The following NFASC variants were observed in gnomAD, a reference collection of about 807,000 sequenced individuals.
The protein encoded by NFASC is neurofascin.
NFASC carries 43 observed loss-of-function variants against 147.5 expected under a neutral mutation model. The observed-to-expected ratio is 0.29, with a 90% CI of 0.23 to 0.38. The LOEUF (loss-of-function observed/expected upper bound fraction) is 0.38, where lower values mean the gene tolerates loss of function less well. Ranked by LOEUF, NFASC falls within the 10% of genes least tolerant of loss-of-function variation. The pLI is 1.00. For synonymous variants in NFASC, 622 were observed against 665.5 expected, an observed-to-expected ratio of 0.93 and a Z score of 1.01; for missense variants, 1,320 against 1,689.0, an observed-to-expected ratio of 0.78 and a Z score of 3.83.
intron 1 of NFASC, among the ~76,000 whole-genome samples, chr1:204,895,029 T>C (rs2083128484): frequency 6.6e-6 from 1 of 152,206 alleles, no homozygotes; most frequent in African/African-American, 2.4e-5. Flanking sequence ...TTTGAATCTT[T>C]TTACTGCTGG....
chr1:204,871,767 A>G (rs2077747884), intron 1 of NFASC, among the ~76,000 whole-genome samples: 1 of 152,214 alleles, frequency 6.6e-6, no homozygotes, highest in Non-Finnish European at 1.5e-5. Context: ...CTAAACCAAA[A>G]CAAGAGTGAA....
intron 2 of NFASC, among the ~76,000 whole-genome samples, chr1:204,943,266 A>AT (rs1348245953): frequency 6.6e-6 from 1 of 152,182 alleles, no homozygotes; most frequent in African/African-American, 2.4e-5. Flanking sequence ...AAAGCACTCT[A>AT]TTTGAGTCTC....
chr1:204,877,003 T>C lies in NFASC; in HGVS notation c.-199-43629T>C, dbSNP rs1265941101. Among the ~76,000 whole-genome samples, 22 of 87,940 alleles carry C rather than the reference T, an allele frequency of 2.5e-4. 2 individuals carry two copies. Among genetic ancestry groups the C allele is most frequent in the Non-Finnish European group, 1.8e-5 (1 of 54,690 alleles). 57.7% of individuals were successfully genotyped at this position (87,940 alleles called of 152,430 possible). A position where few individuals can be genotyped will look rare whatever the true frequency, so the allele number is the denominator to read the frequency against. On this transcript the variant is annotated intron_variant, in intron 1 of 29. Transcript: ENST00000339876. Reference sequence around the variant, plus strand: ...AATGAGTTGGCTAAATATGTATATATATATATATATATATATATATATATA... The same window carrying C: ...AATGAGTTGGCTAAATATGTATATACATATATATATATATATATATATATA...
At chr1:204,864,404 A>G (rs1037599766) in intron 1 of NFASC, among the ~76,000 whole-genome samples, 4 of 152,212 alleles carry the variant, frequency 2.6e-5, no homozygotes, top group African/African-American at 4.8e-5. Context: ...AGGGTCGTAT[A>G]TTAACTCTTA....
intron 1 of NFASC, among the ~76,000 whole-genome samples, chr1:204,912,192 G>T (rs1246990629): frequency 2.6e-5 from 4 of 151,360 alleles, no homozygotes; most frequent in Non-Finnish European, 4.4e-5. Context: ...TGGGAGGCTG[G>T]CTCTTCTTTT....
intron 1 of NFASC, among the ~76,000 whole-genome samples, chr1:204,829,370 G>A (rs1671549031): frequency 4.0e-5 from 6 of 151,266 alleles, no homozygotes; most frequent in Admixed American, 3.9e-4. Context: ...CAAGAACCCC[G>A]CCTTCTCCCC....
At chr1:204,921,253 TC>T (rs1175951367) in intron 2 of NFASC, among the ~76,000 whole-genome samples, 1 of 152,068 alleles carries the variant, frequency 6.6e-6, no homozygotes, top group African/African-American at 2.4e-5. Context: ...CTTGTTCCAT[TC>T]CGGGTTAGAT....
In NFASC at chr1:204,904,525, G is replaced by A. The variant is rs1164364574; in HGVS notation, c.-199-16107G>A. Among the ~76,000 whole-genome samples, 3 of 152,208 alleles carry A rather than the reference G, an allele frequency of 2.0e-5. No individual in the cohort carries two copies. In the East Asian group the frequency reaches 5.8e-4, roughly 29 times the overall value. Reference sequence around the variant, plus strand: ...TTCTTAACTTTCCCTCACTGTTGTTGCCTTTTTTGACAAGCATGGCTGTGA... The same window carrying A: ...TTCTTAACTTTCCCTCACTGTTGTTACCTTTTTTGACAAGCATGGCTGTGA... On this transcript the variant is annotated intron_variant, in intron 1 of 29. Coordinates refer to ENST00000339876, the MANE Select transcript of NFASC (RefSeq NM_001005388.3).
intron 1 of NFASC, among the ~76,000 whole-genome samples, chr1:204,840,612 CCACAACTACCACTTG>C (rs1392588277): frequency 6.6e-6 from 1 of 152,166 alleles, no homozygotes; most frequent in African/African-American, 2.4e-5. Context: ...TCACTTGGTG[CCACAACTACCACTTG>C]CACAACTACC....
intron 2 of NFASC, among the ~76,000 whole-genome samples, chr1:204,939,638 G>A (rs866587558): frequency 6.6e-6 from 1 of 152,258 alleles, no homozygotes; most frequent in Non-Finnish European, 1.5e-5. Context: ...CTGCACCTAA[G>A]CAGTCACCTC....
At position 204,985,760 on chromosome 1, in the gene NFASC, G is replaced by A. The variant is rs1000949696; in HGVS notation, c.2471-1658G>A. The A allele has an allele frequency of 3.2e-4, 193 of 603,846 alleles. 1 individual carries two copies. The African/African-American group carries it at 3.4e-3, about 11-fold the overall frequency. The allele number at this position is 603,846 out of a possible 1,614,324, so 37.4% of individuals were successfully genotyped here. A position where few individuals can be genotyped will look rare whatever the true frequency, so the allele number is the denominator to read the frequency against. The stretch of plus-strand genomic sequence containing the variant: ...GTGGCTAATGAGCGGGGATTAAAAG[G>A]CTGCTTCCTCAGCCTGGATAGGACT... On this transcript the variant is annotated intron_variant, in intron 21 of 29. Transcript: ENST00000339876.
chr1:205,009,874 T>C, intron 28 of NFASC, 186 bp downstream of exon 28: 1 of 667,646 alleles, frequency 1.5e-6, no homozygotes, highest in Non-Finnish European at 2.6e-6. Context: ...TTAATTAAGT[T>C]CGCCTGAGTT....
chr1:204,968,221 C>A lies in NFASC; in HGVS notation c.707-28C>A. The A allele has an allele frequency of 6.4e-7, 1 of 1,559,220 alleles. No homozygotes were observed. Reference sequence around the variant, plus strand: ...GGGGTCTGCCTTCTGGAAGGAGGCTCATGGGAGTTTGTTCTCTCCTGTTTC... The same window carrying A: ...GGGGTCTGCCTTCTGGAAGGAGGCTAATGGGAGTTTGTTCTCTCCTGTTTC... On this transcript the variant is annotated intron_variant, in intron 8 of 29. Transcript: ENST00000339876. The surrounding 1 kb of genome is among the most constrained non-coding windows in gnomAD (Gnocchi z 5.4).
chr1:205,009,731 C>A, intron 28 of NFASC, 43 bp downstream of exon 28: 1 of 1,596,172 alleles, frequency 6.3e-7, no homozygotes, highest in Non-Finnish European at 8.5e-7. Flanking sequence ...TGGGGCACGT[C>A]CACTTTCCCG....
chr1:204,873,079 A>C (rs1032864915), intron 1 of NFASC, among the ~76,000 whole-genome samples: 1 of 152,150 alleles, frequency 6.6e-6, no homozygotes, highest in Non-Finnish European at 1.5e-5. Flanking sequence ...TTTGGTGTCC[A>C]TAAGAAGGAC....
At chr1:204,875,579 G>C (rs763433590) in intron 1 of NFASC, among the ~76,000 whole-genome samples, 2 of 152,138 alleles carry the variant, frequency 1.3e-5, no homozygotes, top group Non-Finnish European at 2.9e-5. Flanking sequence ...GCAGATTGTC[G>C]GGAGGCCTCG....
At chr1:204,861,771 G>C (rs1049602863) in intron 1 of NFASC, among the ~76,000 whole-genome samples, 1 of 152,204 alleles carries the variant, frequency 6.6e-6, no homozygotes, top group Non-Finnish European at 1.5e-5. Context: ...TTACAGGCGT[G>C]AGCCACCGCA....
At chr1:204,911,962 G>A (rs1001265687) in intron 1 of NFASC, among the ~76,000 whole-genome samples, 3 of 152,038 alleles carry the variant, frequency 2.0e-5, no homozygotes, top group Non-Finnish European at 2.9e-5. Flanking sequence ...AAGTCTGCAG[G>A]GGCTACAGTG....
chr1:204,950,776 C>T (rs368527352), intron 4 of NFASC, among the ~76,000 whole-genome samples: 4 of 152,196 alleles, frequency 2.6e-5, no homozygotes, highest in South Asian at 2.1e-4. Context: ...CAGAAGGGCA[C>T]GTGGTAAGAA....
Sources: gnomAD v4.1 joint callset for allele counts (sites outside exome capture counted in the v4.1 genomes callset) on GRCh38, gnomAD v4.1.1 for gene constraint, Gnocchi (gnomAD v3.1) non-coding constraint, MANE v1.5 for transcripts, NCBI Gene and HGNC (gene_info 2026-07-23, HGNC 2026-07-21) for gene names.